USP33: variants seen among roughly 807,000 people sequenced by gnomAD.
USP33 encodes ubiquitin specific peptidase 33, also known as ubiquitin carboxyl-terminal hydrolase 33.
In USP33, 46 loss-of-function variants were observed where a neutral mutation model predicts 124.2. The observed-to-expected ratio is 0.37, with a 90% CI of 0.29 to 0.47. The LOEUF is 0.47. USP33 is among the 20% of genes least tolerant of loss of function. The pLI, the probability that USP33 is intolerant of heterozygous loss-of-function variation, is 0.99. For missense variants in USP33, 851 were observed against 1,070.6 expected, an observed-to-expected ratio of 0.79 and a Z score of 2.86; for synonymous variants, 350 against 352.3, an observed-to-expected ratio of 0.99 and a Z score of 0.07.
chr1:77,717,216 A>G (rs1274457450), intron 17 of USP33, among the ~76,000 whole-genome samples: 3 of 148,608 alleles, frequency 2.0e-5, no homozygotes, highest in Non-Finnish European at 4.5e-5. Context: ...AGGGCCAGGC[A>G]TGGTGGCTCA....
intron 10 of USP33, 112 bp from the exon 11 acceptor site, chr1:77,725,874 T>G: frequency 1.9e-6 from 2 of 1,063,644 alleles, no homozygotes; most frequent in South Asian, 3.7e-5. Flanking sequence ...TATTAACAAA[T>G]GTCAAGTTAA....
chr1:77,746,832 C>T (rs1407948722), intron 1 of USP33, among the ~76,000 whole-genome samples: 6 of 152,176 alleles, frequency 3.9e-5, no homozygotes, highest in Non-Finnish European at 7.3e-5. Context: ...TTCAACAGCC[C>T]TTCATGCTAA....
chr1:77,757,891 A>C (rs1222136523), intron 1 of USP33, among the ~76,000 whole-genome samples: 1 of 152,250 alleles, frequency 6.6e-6, no homozygotes, highest in Non-Finnish European at 1.5e-5. Context: ...TGTAAGTGAA[A>C]GGTCACAGAA....
chr1:77,741,562 C>A, intron 2 of USP33, 55 bp downstream of exon 2: 1 of 1,548,514 alleles, frequency 6.5e-7, no homozygotes, highest in South Asian at 1.2e-5. Flanking sequence ...ATGAAAATTA[C>A]ACATTCAAGA....
chr1:77,712,903 A>G (rs1319598213), intron 20 of USP33, among the ~76,000 whole-genome samples: 2 of 152,234 alleles, frequency 1.3e-5, no homozygotes, highest in Non-Finnish European at 2.9e-5. Context: ...AAGATACTCA[A>G]TTGTGTGAGT....
intron 21 of USP33, among the ~76,000 whole-genome samples, chr1:77,707,443 C>T (rs1228417314): frequency 2.0e-5 from 3 of 152,174 alleles, no homozygotes; most frequent in African/African-American, 7.2e-5. Context: ...AGGGCCCATT[C>T]AGACAACTGA....
chr1:77,704,073 C>T (rs540943123), intron 21 of USP33, among the ~76,000 whole-genome samples: 63 of 151,778 alleles, frequency 4.2e-4, no homozygotes, highest in Non-Finnish European at 7.6e-4. Flanking sequence ...TGTGATCATG[C>T]CACCGTGCTC....
intron 1 of USP33, among the ~76,000 whole-genome samples, chr1:77,756,596 G>C (rs1244084588): frequency 1.3e-5 from 2 of 152,156 alleles, no homozygotes; most frequent in African/African-American, 4.8e-5. Context: ...AGTGAGGATT[G>C]ACTGTAGATG....
At chr1:77,705,070 CTATTTT>C (rs1557813420) in intron 21 of USP33, among the ~76,000 whole-genome samples, 1 of 138,082 alleles carries the variant, frequency 7.2e-6, no homozygotes, top group African/African-American at 2.8e-5. Flanking sequence ...CTAAGGGCAC[CTATTTT>C]TATATTCCAG....
At chr1:77,701,648 A>C in intron 21 of USP33, 177 bp from the exon 22 acceptor site, 1 of 483,238 alleles carries the variant, frequency 2.1e-6, no homozygotes, top group South Asian at 3.9e-5. Flanking sequence ...ACATCTCTAC[A>C]AAAAAAACAT....
intron 7 of USP33, among the ~76,000 whole-genome samples, chr1:77,732,931 T>C (rs1387346496): frequency 6.6e-6 from 1 of 151,692 alleles, no homozygotes; most frequent in African/African-American, 2.4e-5. Context: ...GTAGCTGGGA[T>C]TACAGGCACA....
Position 77,723,501 on chromosome 1 carries a change from G to C in USP33, c.1277-58C>G, listed in dbSNP as rs529788021. 25 of 1,186,118 alleles carry C rather than the reference G, an allele frequency of 2.1e-5. No homozygotes were observed. The East Asian group carries it at 5.6e-4, about 26-fold the overall frequency. 73.5% of individuals were successfully genotyped at this position (1,186,118 alleles called of 1,614,324 possible). On this transcript the variant is annotated intron_variant, in intron 11 of 23. Transcript: ENST00000370794. ...GCAGCTCCTTTAACATTTTTCTCTGGAATCTTTTTTTGTCTTGTCAATCTT... is the reference window on the plus strand; with the variant it reads ...GCAGCTCCTTTAACATTTTTCTCTGCAATCTTTTTTTGTCTTGTCAATCTT...
intron 8 of USP33, 151 bp from the exon 9 acceptor site, chr1:77,730,089 A>C (rs1677633858): frequency 4.5e-6 from 3 of 665,556 alleles, no homozygotes; most frequent in Non-Finnish European, 7.6e-6. Context: ...TTTCACAGGC[A>C]CATCAGAACA....
At chr1:77,711,648 A>T (rs1185841569) in intron 21 of USP33, 99 bp downstream of exon 21, 2 of 1,521,034 alleles carry the variant, frequency 1.3e-6, no homozygotes, top group Admixed American at 4.5e-5. Context: ...ATCTATTACA[A>T]CTCTTTCATC....
intron 21 of USP33, among the ~76,000 whole-genome samples, chr1:77,706,935 G>A (rs1306166829): frequency 2.0e-5 from 3 of 152,166 alleles, no homozygotes; most frequent in Admixed American, 2.0e-4. Context: ...TATATCCCAA[G>A]TGAACACAAC....
chr1:77,743,091 C>A (rs552783561), intron 1 of USP33, among the ~76,000 whole-genome samples: 1 of 151,874 alleles, frequency 6.6e-6, no homozygotes, highest in Non-Finnish European at 1.5e-5. Flanking sequence ...TACAGGCATG[C>A]GCCACCACAC....
chr1:77,724,768 A>G (rs1470870371), intron 11 of USP33, among the ~76,000 whole-genome samples: 1 of 152,162 alleles, frequency 6.6e-6, no homozygotes, highest in African/African-American at 2.4e-5. Flanking sequence ...ATAAAAAATG[A>G]GATATTAGGC....
intron 12 of USP33, 142 bp downstream of exon 12, chr1:77,723,189 T>A: frequency 1.4e-6 from 1 of 689,926 alleles, no homozygotes; most frequent in Non-Finnish European, 2.4e-6. Flanking sequence ...TAGAATCAAA[T>A]TTGTGTTGAT....
chr1:77,744,861 T>C (rs1157191683), intron 1 of USP33, among the ~76,000 whole-genome samples: 2 of 152,030 alleles, frequency 1.3e-5, no homozygotes, highest in African/African-American at 2.4e-5. Flanking sequence ...AAAAACAAAT[T>C]TGGAATAAGT....
Sources: gnomAD v4.1 joint callset for allele counts (sites outside exome capture counted in the v4.1 genomes callset) on GRCh38, gnomAD v4.1.1 for gene constraint, MANE v1.5 for transcripts, NCBI Gene and HGNC (gene_info 2026-07-23, HGNC 2026-07-21) for gene names.